Variants in PCNX2 observed in about 807,000 individuals in gnomAD.
PCNX2 encodes pecanex 2.
Under a neutral mutation model 223.8 loss-of-function variants are expected in PCNX2, and 168 were observed. The observed-to-expected ratio is 0.75, with a 90% CI of 0.66 to 0.85. The LOEUF is 0.85. Ranked by LOEUF, PCNX2 falls within the 40% of genes least tolerant of loss-of-function variation. The pLI is 0.00. For synonymous variants in PCNX2, 1,006 were observed against 1,052.6 expected, an observed-to-expected ratio of 0.96 and a Z score of 0.86; for missense variants, 2,507 against 2,675.5, an observed-to-expected ratio of 0.94 and a Z score of 1.39.
chr1:233,197,843 C>A (rs900796367), intron 15 of PCNX2, among the ~76,000 whole-genome samples: 23 of 152,038 alleles, frequency 1.5e-4, no homozygotes, highest in African/African-American at 5.3e-4. Context: ...AGAAATGTTA[C>A]GTGATTTATA....
intron 19 of PCNX2, among the ~76,000 whole-genome samples, chr1:233,154,428 C>A (rs1677994080): frequency 6.6e-6 from 1 of 152,102 alleles, no homozygotes; most frequent in South Asian, 2.1e-4. Flanking sequence ...TCTAATGCAT[C>A]CAAAAAGTAT....
Position 233,253,373 on chromosome 1 carries a change from AAGGCTGG to A in PCNX2, c.1835-592_1835-586del, listed in dbSNP as rs915180468. On this transcript the variant is annotated intron_variant, in intron 5 of 33. Transcript: ENST00000258229. The surrounding 1 kb of genome is among the most constrained non-coding windows in gnomAD (Gnocchi z 4.2). ...TGAGACAGGGTCTGGCCCTGTTGCC[AAGGCTGG>A]AGGCTGGAGGCTGGAGTGCAATGGT... 3.9e-5 allele frequency among the ~76,000 whole-genome samples: 6 copies of A among 152,084 alleles called. No individual in the cohort carries two copies. The highest frequency in any genetic ancestry group is 8.8e-5 in the Non-Finnish European group (6 of 68,018).
intron 19 of PCNX2, among the ~76,000 whole-genome samples, chr1:233,144,377 C>T (rs868253233): frequency 6.6e-6 from 1 of 152,228 alleles, no homozygotes; most frequent in African/African-American, 2.4e-5. Flanking sequence ...GTCATCAAAA[C>T]CTAGTTATAG....
chr1:233,304,415 G>A, the PCNX2 span, among the ~76,000 whole-genome samples: 1 of 152,190 alleles, frequency 6.6e-6, no homozygotes, highest in Non-Finnish European at 1.5e-5. Flanking sequence ...AAAAGACTAT[G>A]TTAATGAGGA....
intron 17 of PCNX2, among the ~76,000 whole-genome samples, chr1:233,167,172 G>C: frequency 6.6e-6 from 1 of 152,106 alleles, no homozygotes; most frequent in Non-Finnish European, 1.5e-5. Flanking sequence ...AATGGATAAA[G>C]AAATTCTAAT....
intron 23 of PCNX2, among the ~76,000 whole-genome samples, chr1:233,081,583 T>C (rs962677006): frequency 1.3e-5 from 2 of 152,274 alleles, no homozygotes; most frequent in East Asian, 3.9e-4. Flanking sequence ...AAGACAAACA[T>C]GCAAGCTGAT....
In PCNX2 at chr1:233,001,520, A is replaced by G; in HGVS notation, c.5097+17T>C. 7.9e-7 allele frequency: 1 copy of G among 1,268,136 alleles called. No individual in the cohort carries two copies. The highest frequency in any genetic ancestry group is 2.8e-5 in the South Asian group (1 of 35,864). 78.6% of individuals were successfully genotyped at this position (1,268,136 alleles called of 1,614,324 possible). A position where few individuals can be genotyped will look rare whatever the true frequency, so the allele number is the denominator to read the frequency against. ...AATAAATAAATAAATAAATAAATAA[A>G]TAAAATAGGTTTTTACCTGGTGAAG... On this transcript the variant is annotated intron_variant, in intron 29 of 33. Coordinates refer to ENST00000258229, the MANE Select transcript of PCNX2 (RefSeq NM_014801.4). This position sits in a 1 kb window ranked among gnomAD's most constrained non-coding sequence, Gnocchi z 4.2.
intron 9 of PCNX2, chr1:233,231,504 C>A: frequency 2.4e-6 from 1 of 409,606 alleles, no homozygotes; most frequent in Non-Finnish European, 3.3e-6. Context: ...TCTATAGAAC[C>A]TCCCCAAAGT....
chr1:233,253,544 C>G lies in PCNX2; in HGVS notation c.1835-756G>C, dbSNP rs1272029081. ...AATTTTATGTAGGTATAGGGGCACG[C>G]TATGTTGTTCAGGCTGGTCTTGAAC... On this transcript the variant is annotated intron_variant, in intron 5 of 33. Coordinates refer to ENST00000258229, the MANE Select transcript of PCNX2 (RefSeq NM_014801.4). The surrounding 1 kb of genome is among the most constrained non-coding windows in gnomAD (Gnocchi z 4.2). 6.6e-6 allele frequency among the ~76,000 whole-genome samples: 1 copy of G among 152,122 alleles called. No individual in the cohort carries two copies. Among genetic ancestry groups the G allele is most frequent in the Non-Finnish European group, 1.5e-5 (1 of 68,012 alleles).
chr1:233,259,603 T>A (rs1366845286), intron 4 of PCNX2, among the ~76,000 whole-genome samples: 1 of 152,132 alleles, frequency 6.6e-6, no homozygotes, highest in Non-Finnish European at 1.5e-5. Flanking sequence ...TAGGTATTTG[T>A]CCTAATGCTA....
intron 25 of PCNX2, among the ~76,000 whole-genome samples, chr1:233,050,447 T>C (rs1413628937): frequency 6.6e-6 from 1 of 151,466 alleles, no homozygotes; most frequent in Admixed American, 6.6e-5. Flanking sequence ...AAGCCTATAG[T>C]AACCAAAACA....
At chr1:233,213,682 C>G (rs1056115484) in intron 12 of PCNX2, among the ~76,000 whole-genome samples, 4 of 152,088 alleles carry the variant, frequency 2.6e-5, no homozygotes, top group Non-Finnish European at 5.9e-5. Flanking sequence ...CAAGCTGTAG[C>G]CCTCTTTGGA....
chr1:233,249,793 G>A (rs1422776519), intron 8 of PCNX2, among the ~76,000 whole-genome samples: 1 of 152,202 alleles, frequency 6.6e-6, no homozygotes, highest in Non-Finnish European at 1.5e-5. Flanking sequence ...AAGCAGGTAA[G>A]AAACAGTAGT....
chr1:233,104,702 A>C (rs905427358), intron 21 of PCNX2, among the ~76,000 whole-genome samples: 18 of 152,136 alleles, frequency 1.2e-4, no homozygotes, highest in African/African-American at 4.1e-4. Flanking sequence ...ACACCAACCA[A>C]AAGAGAAAGA....
chr1:233,317,533 T>G, the PCNX2 span, among the ~76,000 whole-genome samples: 1 of 152,234 alleles, frequency 6.6e-6, no homozygotes, highest in African/African-American at 2.4e-5. Flanking sequence ...GCATTATGTT[T>G]TTAGATGTGA....
At chr1:233,018,693 T>C (rs1019152334) in intron 26 of PCNX2, 1 of 915,228 alleles carries the variant, frequency 1.1e-6, no homozygotes, top group Non-Finnish European at 1.3e-6. Context: ...AGTTCCATTA[T>C]AACAGAAAAA....
At chr1:233,224,635 G>T (rs573184146) in intron 10 of PCNX2, among the ~76,000 whole-genome samples, 1 of 152,162 alleles carries the variant, frequency 6.6e-6, no homozygotes, top group Admixed American at 6.5e-5. Flanking sequence ...CCTTGCAAAG[G>T]TCCCAAACAG....
chr1:233,026,492 G>C (rs1481834341), intron 25 of PCNX2, among the ~76,000 whole-genome samples: 1 of 152,190 alleles, frequency 6.6e-6, no homozygotes, highest in Non-Finnish European at 1.5e-5. Flanking sequence ...GCTGCCCAGA[G>C]AAAGGACTGT....
In PCNX2 at chr1:233,252,648, T is replaced by C; in HGVS notation, c.1975A>G (p.Thr659Ala). The change falls in exon 6 of 34, where the codon ACA becomes GCA. Residue 659 changes from threonine (T) to alanine (A), a missense_variant. Thr to Ala is a moderately conservative substitution (Grantham distance 58). Coordinates refer to ENST00000258229, the MANE Select transcript of PCNX2 (RefSeq NM_014801.4). Reference protein sequence around the residue: ...GPACTQPAKTTAFFQGNRQRQ... With the variant: ...GPACTQPAKTAAFFQGNRQRQ... ...TAAGTAACTTATCCTTACAAGGCTGTGGTCTTGGCAGGCTGAGTGCATGCG... is the reference window on the plus strand; with the variant it reads ...TAAGTAACTTATCCTTACAAGGCTGCGGTCTTGGCAGGCTGAGTGCATGCG... 2 of 1,609,988 alleles carry C rather than the reference T, an allele frequency of 1.2e-6. No homozygotes were observed. Among genetic ancestry groups the C allele is most frequent in the South Asian group, 1.1e-5 (1 of 89,700 alleles).
Sources: allele counts gnomAD v4.1 joint callset (sites outside exome capture counted in the v4.1 genomes callset), GRCh38; gene constraint gnomAD v4.1.1; non-coding constraint Gnocchi (gnomAD v3.1); transcripts MANE v1.5; gene names NCBI Gene and HGNC (gene_info 2026-07-23, HGNC 2026-07-21).